Variants in DPP6 observed in about 807,000 individuals in gnomAD.
The protein encoded by DPP6 is dipeptidyl peptidase like 6, also known as A-type potassium channel modulatory protein DPP6.
A neutral mutation model predicts 122.6 loss-of-function variants in DPP6; 69 were observed. The observed-to-expected ratio is 0.56, with a 90% CI of 0.46 to 0.69. DPP6 has a LOEUF of 0.69. Among genes scored for constraint, DPP6 ranks in the 30% least tolerant of loss-of-function variants. The pLI is 0.00. For synonymous variants in DPP6, 418 were observed against 433.1 expected (o/e 0.97, Z 0.43); for missense variants, 928 against 1,116.9 (o/e 0.83, Z 2.41).
rs929352475 is a variant in DPP6, at chr7:154,399,575, C to CA, written c.244-46631dup. Among the ~76,000 whole-genome samples, 4 of 151,890 alleles carry CA rather than the reference C, an allele frequency of 2.6e-5. No homozygotes were observed. The East Asian group carries it at 5.8e-4, about 22-fold the overall frequency. The stretch of plus-strand genomic sequence containing the variant: ...AGTTTCTTTACATCTTTCTTGTAGT[C>CA]AAAAAAAATTCTGGGTAATTGTTTT... On this transcript the variant is annotated intron_variant, in intron 1 of 25. Transcript: ENST00000377770.
At chr7:154,055,827 T>C (rs1373434478) in intron 1 of DPP6, 1 of 152,246 alleles carries the variant, frequency 6.6e-6, no homozygotes, top group Non-Finnish European at 1.5e-5. Context: ...GGAAGACTGT[T>C]CCAAGGTACA....
At chr7:153,877,830 A>G in the DPP6 span, among the ~76,000 whole-genome samples, 104,683 of 151,924 alleles carry the variant, frequency 0.69, 36,287 homozygotes, top group African/African-American at 0.76. Context: ...TTTAATGGAA[A>G]CCAAAAAGAA....
intron 1 of DPP6, among the ~76,000 whole-genome samples, chr7:154,314,400 C>T (rs1861137): frequency 0.6 from 90,803 of 152,162 alleles, 27,645 homozygotes; most frequent in East Asian, 0.74. Flanking sequence ...GAGCTCATGT[C>T]CCATTTTTAA....
At chr7:154,341,216 G>C (rs1314045344) in intron 1 of DPP6, among the ~76,000 whole-genome samples, 1 of 152,104 alleles carries the variant, frequency 6.6e-6, no homozygotes, top group Non-Finnish European at 1.5e-5. Context: ...TGGGGCGAAA[G>C]GTGAAGGTGT....
At chr7:153,975,454 T>C (rs39145) in intron 1 of DPP6, among the ~76,000 whole-genome samples, 21,434 of 148,994 alleles carry the variant, frequency 0.14, 1,884 homozygotes, top group East Asian at 0.36. Flanking sequence ...TTTTACCCAG[T>C]GGCCTTGCAA....
intron 8 of DPP6, 87 bp downstream of exon 8, chr7:154,727,974 A>G: frequency 1.3e-6 from 2 of 1,501,022 alleles, no homozygotes; most frequent in Admixed American, 4.5e-5. Context: ...TTTTTCTTTG[A>G]CTTTAACTGT....
chr7:154,273,589 C>T (rs193198862), intron 1 of DPP6, among the ~76,000 whole-genome samples: 1 of 152,168 alleles, frequency 6.6e-6, no homozygotes. Flanking sequence ...GATGACCAAA[C>T]AGGAGAGAAA....
At chr7:153,789,978 G>A in the DPP6 span, among the ~76,000 whole-genome samples, 29 of 152,194 alleles carry the variant, frequency 1.9e-4, no homozygotes, top group Admixed American at 1.4e-3. Context: ...TATTATCTGA[G>A]TCGGATGGAA....
intron 3 of DPP6, among the ~76,000 whole-genome samples, chr7:154,516,714 T>C (rs1175351064): frequency 1.3e-5 from 2 of 152,204 alleles, no homozygotes; most frequent in African/African-American, 4.8e-5. Context: ...ATTTATTTGC[T>C]TATGGTTCAA....
chr7:154,786,464 T>C (rs1363625636), intron 10 of DPP6, among the ~76,000 whole-genome samples: 1 of 152,296 alleles, frequency 6.6e-6, no homozygotes, highest in African/African-American at 2.4e-5. Context: ...GGGCAGTTAC[T>C]CCCATGCTGT....
intron 16 of DPP6, among the ~76,000 whole-genome samples, chr7:154,836,618 A>G (rs1801075928): frequency 6.6e-6 from 1 of 152,224 alleles, no homozygotes; most frequent in African/African-American, 2.4e-5. Flanking sequence ...GCTCACTGAC[A>G]TGACAAAAAA....
the DPP6 span, among the ~76,000 whole-genome samples, chr7:153,776,726 C>T: frequency 3.0e-3 from 457 of 152,158 alleles, 4 homozygotes; most frequent in African/African-American, 9.2e-3. Context: ...GCTGGGAAGA[C>T]GGGACATGCA....
At chr7:154,042,879 G>A (rs1799832159) in intron 1 of DPP6, among the ~76,000 whole-genome samples, 1 of 152,156 alleles carries the variant, frequency 6.6e-6, no homozygotes, top group Non-Finnish European at 1.5e-5. Flanking sequence ...ACTTTAATCA[G>A]GGTAGAAACC....
intron 5 of DPP6, among the ~76,000 whole-genome samples, chr7:154,568,834 A>G (rs1830931828): frequency 6.6e-6 from 1 of 152,154 alleles, no homozygotes; most frequent in African/African-American, 2.4e-5. Flanking sequence ...GAACTATAAA[A>G]ATGATAAAAT....
chr7:153,864,673 ACAC>A, the DPP6 span, among the ~76,000 whole-genome samples: 2 of 1,014 alleles, frequency 2.0e-3, no homozygotes, highest in African/African-American at 0.011. Flanking sequence ...TAATAATAAT[ACAC>A]ACACACACAC....
chr7:154,815,677 C>T (rs1799380045), intron 16 of DPP6, among the ~76,000 whole-genome samples: 1 of 152,202 alleles, frequency 6.6e-6, no homozygotes, highest in African/African-American at 2.4e-5. Flanking sequence ...AAACTTCCTT[C>T]TCCTGAAGCC....
At chr7:154,128,483 G>A (rs1461520498) in intron 1 of DPP6, among the ~76,000 whole-genome samples, 9 of 152,214 alleles carry the variant, frequency 5.9e-5, no homozygotes, top group Admixed American at 3.9e-4. Flanking sequence ...CTCACTGCAA[G>A]CTCCGCCTCC....
intron 1 of DPP6, among the ~76,000 whole-genome samples, chr7:154,219,112 G>T (rs1053989316): frequency 2.6e-5 from 4 of 152,212 alleles, no homozygotes; most frequent in African/African-American, 9.6e-5. Context: ...TCACAAGACA[G>T]ACTTGATGGT....
intron 1 of DPP6, among the ~76,000 whole-genome samples, chr7:154,356,542 T>C (rs1811280907): frequency 6.6e-6 from 1 of 152,122 alleles, no homozygotes; most frequent in Middle Eastern, 3.4e-3. Flanking sequence ...CACTCCAGCC[T>C]GGACAACATA....
Sources: allele counts gnomAD v4.1 joint callset (sites outside exome capture counted in the v4.1 genomes callset), GRCh38; gene constraint gnomAD v4.1.1; transcripts MANE v1.5; gene names NCBI Gene and HGNC (gene_info 2026-07-23, HGNC 2026-07-21).